Variants in FOXP2 observed in about 807,000 individuals in gnomAD.
FOXP2 encodes the protein forkhead box protein P2.
A neutral mutation model predicts 115.8 loss-of-function variants in FOXP2; 12 were observed. That is an observed-to-expected ratio of 0.10 (90% CI 0.07 to 0.17). The LOEUF is 0.17. Among genes scored for constraint, FOXP2 ranks in the 10% least tolerant of loss-of-function variants. The pLI is 1.00. For missense variants in FOXP2, 629 were observed against 843.5 expected (o/e 0.75, Z 3.15); for synonymous variants, 328 against 297.7 (o/e 1.10, Z -1.05).
At chr7:114,425,543 T>C (rs1377131064) in intron 1 of FOXP2, among the ~76,000 whole-genome samples, 1 of 151,688 alleles carries the variant, frequency 6.6e-6, no homozygotes, top group African/African-American at 2.4e-5. Context: ...ATTGCTATCC[T>C]GAAAGTACAG....
chr7:114,371,735 G>C (rs1433457711), intron 2 of FOXP2, among the ~76,000 whole-genome samples: 1 of 151,794 alleles, frequency 6.6e-6, no homozygotes, highest in Non-Finnish European at 1.5e-5. Context: ...CCCAGTGTCT[G>C]GTATATAGTA....
intron 1 of FOXP2, among the ~76,000 whole-genome samples, chr7:114,184,545 T>C (rs1793543672): frequency 6.6e-6 from 1 of 152,174 alleles, no homozygotes; most frequent in African/African-American, 2.4e-5. Context: ...AAGCTGTTGC[T>C]ATAGAACTGG....
At chr7:114,344,149 G>A (rs1349167254) in intron 2 of FOXP2, among the ~76,000 whole-genome samples, 2 of 151,500 alleles carry the variant, frequency 1.3e-5, no homozygotes, top group Admixed American at 1.3e-4. Context: ...CTATATAAAA[G>A]AACTATACAA....
At chr7:114,205,483 T>C (rs2129160520) in intron 1 of FOXP2, among the ~76,000 whole-genome samples, 1 of 152,326 alleles carries the variant, frequency 6.6e-6, no homozygotes, top group East Asian at 1.9e-4. Context: ...ATTTTTGAAA[T>C]AGGCATATTA....
At chr7:114,390,932 T>C (rs1792582101) in intron 2 of FOXP2, among the ~76,000 whole-genome samples, 1 of 152,114 alleles carries the variant, frequency 6.6e-6, no homozygotes, top group Non-Finnish European at 1.5e-5. Context: ...CTCATGTCTG[T>C]AATCCCAGCA....
At chr7:114,345,045 A>C (rs1238723722) in intron 2 of FOXP2, among the ~76,000 whole-genome samples, 1 of 151,810 alleles carries the variant, frequency 6.6e-6, no homozygotes, top group Non-Finnish European at 1.5e-5. Flanking sequence ...CTTTAGAGTG[A>C]GGACGATTTG....
chr7:114,341,525 C>A (rs1791217479), intron 2 of FOXP2, among the ~76,000 whole-genome samples: 1 of 151,180 alleles, frequency 6.6e-6, no homozygotes, highest in Non-Finnish European at 1.5e-5. Context: ...AGGATGATTT[C>A]CCTAATATGA....
intron 1 of FOXP2, among the ~76,000 whole-genome samples, chr7:114,273,430 C>T (rs747146132): frequency 4.0e-5 from 6 of 151,858 alleles, no homozygotes; most frequent in Non-Finnish European, 7.4e-5. Flanking sequence ...TATTATTGGC[C>T]GTCTCATGTA....
chr7:114,689,221 A>G (rs939549564), intron 16 of FOXP2, among the ~76,000 whole-genome samples: 1 of 152,128 alleles, frequency 6.6e-6, no homozygotes, highest in East Asian at 1.9e-4. Flanking sequence ...TGAAAATAGT[A>G]CTGGCATCCT....
intron 1 of FOXP2, among the ~76,000 whole-genome samples, chr7:114,235,861 C>A (rs73439586): frequency 6.6e-6 from 1 of 152,146 alleles, no homozygotes; most frequent in Non-Finnish European, 1.5e-5. Context: ...TATCACTATA[C>A]GGAGAAATTA....
At chr7:114,491,440 C>T (rs913133658) in intron 2 of FOXP2, among the ~76,000 whole-genome samples, 4 of 151,830 alleles carry the variant, frequency 2.6e-5, no homozygotes, top group Non-Finnish European at 4.4e-5. Flanking sequence ...CAAAAATTTT[C>T]TCCCATTCTG....
At chr7:114,427,761 C>T (rs1793922261) in intron 2 of FOXP2, among the ~76,000 whole-genome samples, 1 of 151,320 alleles carries the variant, frequency 6.6e-6, no homozygotes, top group African/African-American at 2.4e-5. Flanking sequence ...TTAATAGATA[C>T]ATTATTTTAA....
Position 114,658,079 on chromosome 7 carries a change from C to G in FOXP2, c.1280C>G (p.Ser427Cys), listed in dbSNP as rs1363020478. ...KPSPKPLNLV[S>C]SVTMSKNMLE... ...GGGCCTTTGCAGCTAAATCTGGTGT[C>G]TAGTGTCACCATGTCGAAGAATATG... Residue 427 changes from serine to cysteine, a missense_variant, in exon 11 of 17, where the codon TCT (serine) becomes TGT (cysteine). Ser to Cys is a moderately radical substitution (Grantham distance 112). Transcript: ENST00000350908. 6.2e-7 allele frequency: 1 copy of G among 1,613,736 alleles called. No individual in the cohort carries two copies. The highest frequency in any genetic ancestry group is 8.5e-7 in the Non-Finnish European group (1 of 1,179,794).
chr7:114,545,058 T>C (rs1045500430), intron 3 of FOXP2, among the ~76,000 whole-genome samples: 1 of 152,198 alleles, frequency 6.6e-6, no homozygotes, highest in Non-Finnish European at 1.5e-5. Context: ...TAAAGATATT[T>C]AAAACTCTCC....
At chr7:114,355,207 G>A (rs1342329569) in intron 2 of FOXP2, among the ~76,000 whole-genome samples, 3 of 152,078 alleles carry the variant, frequency 2.0e-5, no homozygotes, top group South Asian at 2.1e-4. Flanking sequence ...ACTAGGAACC[G>A]AGCATCTAGC....
rs192277383 is a variant in FOXP2, at chr7:114,512,952, C to T, written c.169-21665C>T. ...CAAAAATTAGCTGGGAGTGGTGGCA[C>T]GCACCTGTAGTCCCAGCTAGTCTGG... On this transcript the variant is annotated intron_variant, in intron 2 of 16. Transcript: ENST00000350908. 1.7e-3 allele frequency among the ~76,000 whole-genome samples: 264 copies of T among 152,004 alleles called. 1 individual carries two copies. The highest frequency in any genetic ancestry group is 2.8e-3 in the Non-Finnish European group (187 of 67,954).
intron 3 of FOXP2, among the ~76,000 whole-genome samples, chr7:114,535,146 T>A (rs1799319177): frequency 6.6e-6 from 1 of 151,690 alleles, no homozygotes. Context: ...CCAAAAAAAC[T>A]GTTTGAGTTT....
intron 1 of FOXP2, among the ~76,000 whole-genome samples, chr7:114,194,714 T>G (rs1793857462): frequency 6.6e-6 from 1 of 152,128 alleles, no homozygotes; most frequent in African/African-American, 2.4e-5. Context: ...GCAAATTTAG[T>G]TGTCTTTCAT....
intron 1 of FOXP2, among the ~76,000 whole-genome samples, chr7:114,253,954 T>C (rs1436244934): frequency 1.3e-5 from 2 of 152,356 alleles, no homozygotes; most frequent in East Asian, 1.9e-4. Flanking sequence ...CCATGTTTAG[T>C]GCTTCCTTCA....
Sources: allele counts gnomAD v4.1 joint callset (sites outside exome capture counted in the v4.1 genomes callset), GRCh38; gene constraint gnomAD v4.1.1; transcripts MANE v1.5; gene names NCBI Gene and HGNC (gene_info 2026-07-23, HGNC 2026-07-21).